Variants in SGMS2 observed in about 807,000 individuals in gnomAD.
SGMS2 encodes phosphatidylcholine:ceramide cholinephosphotransferase 2.
A neutral mutation model predicts 43.8 loss-of-function variants in SGMS2; 21 were observed. That is an observed-to-expected ratio of 0.48 (90% CI 0.34 to 0.69). The LOEUF is 0.69. Among genes scored for constraint, SGMS2 ranks in the 30% least tolerant of loss-of-function variants. The pLI, the probability that SGMS2 is intolerant of heterozygous loss-of-function variation, is 0.01. For synonymous variants in SGMS2, 167 were observed against 160.6 expected, an observed-to-expected ratio of 1.04 and a Z score of -0.30; for missense variants, 384 against 443.2, an observed-to-expected ratio of 0.87 and a Z score of 1.20.
chr4:107,882,473 G>T (rs772491801), intron 2 of SGMS2, among the ~76,000 whole-genome samples: 1 of 151,966 alleles, frequency 6.6e-6, no homozygotes, highest in Non-Finnish European at 1.5e-5. Context: ...TTTTCCTGTT[G>T]TTTGAGCTCC....
At chr4:107,841,379 T>C (rs184887802) in intron 1 of SGMS2, among the ~76,000 whole-genome samples, 1 of 152,162 alleles carries the variant, frequency 6.6e-6, no homozygotes, top group Non-Finnish European at 1.5e-5. Flanking sequence ...TTCTAGCCAC[T>C]CTTTTTCCCC....
rs182698715 is a variant in SGMS2, at chr4:107,899,825, A to G, written c.573+133A>G. On this transcript the variant is annotated intron_variant, in intron 4 of 6. Transcript: ENST00000690982. ...CTAGCATCTTTTCTATTTTCTATTTAGATTTGAGGGGAAGAAATTAAAATG... is the reference window on the plus strand; with the variant it reads ...CTAGCATCTTTTCTATTTTCTATTTGGATTTGAGGGGAAGAAATTAAAATG... 9.2e-4 allele frequency: 476 copies of G among 518,530 alleles called. 1 individual carries two copies. Among genetic ancestry groups the G allele is most frequent in the Admixed American group, 1.2e-3 (38 of 31,562 alleles). The allele number at this position is 518,530 out of a possible 1,614,324, so 32.1% of individuals were successfully genotyped here.
intron 2 of SGMS2, among the ~76,000 whole-genome samples, chr4:107,865,256 A>G (rs980201967): frequency 2.6e-5 from 4 of 152,230 alleles, no homozygotes; most frequent in African/African-American, 9.6e-5. Flanking sequence ...TTAAAACTGG[A>G]ATAGTCTGCA....
At chr4:107,878,613 T>C (rs925208263) in intron 2 of SGMS2, among the ~76,000 whole-genome samples, 3 of 152,190 alleles carry the variant, frequency 2.0e-5, no homozygotes, top group Non-Finnish European at 4.4e-5. Context: ...CCTTTATTTT[T>C]TCATTTGTCC....
chr4:107,908,762 C>A (rs1251358510), intron 6 of SGMS2, 31 bp downstream of exon 6: 1 of 1,594,922 alleles, frequency 6.3e-7, no homozygotes, highest in Non-Finnish European at 8.6e-7. Context: ...TGGATAATTT[C>A]TTTTCTTTGA....
chr4:107,841,758 C>T (rs1216713383), intron 1 of SGMS2, among the ~76,000 whole-genome samples: 1 of 151,930 alleles, frequency 6.6e-6, no homozygotes, highest in Non-Finnish European at 1.5e-5. Context: ...AAATGATCCT[C>T]CCACCTCAGC....
At chr4:107,837,621 A>T (rs1578504465) in intron 1 of SGMS2, among the ~76,000 whole-genome samples, 2 of 152,308 alleles carry the variant, frequency 1.3e-5, no homozygotes, top group African/African-American at 4.8e-5. Flanking sequence ...GTGATGTGAC[A>T]TAAGGAGAAT....
At chr4:107,860,714 G>C (rs952672085) in intron 2 of SGMS2, among the ~76,000 whole-genome samples, 1 of 151,958 alleles carries the variant, frequency 6.6e-6, no homozygotes, top group African/African-American at 2.4e-5. Context: ...TAGTAGAGAT[G>C]GGGTTTCGCC....
chr4:107,862,550 A>C (rs2126035154), intron 2 of SGMS2, among the ~76,000 whole-genome samples: 1 of 152,262 alleles, frequency 6.6e-6, no homozygotes, highest in East Asian at 1.9e-4. Flanking sequence ...GTTTTTTTTC[A>C]AAACTCTGTA....
At chr4:107,904,269 C>G (rs1294088211) in intron 5 of SGMS2, among the ~76,000 whole-genome samples, 5 of 152,076 alleles carry the variant, frequency 3.3e-5, no homozygotes, top group Non-Finnish European at 7.4e-5. Flanking sequence ...GGAGGTTTAT[C>G]TTAATCCTTT....
At chr4:107,889,421 T>C (rs1372284950) in intron 2 of SGMS2, among the ~76,000 whole-genome samples, 1 of 152,200 alleles carries the variant, frequency 6.6e-6, no homozygotes, top group Non-Finnish European at 1.5e-5. Context: ...ACTTTACCAA[T>C]AATTTTAAAG....
intron 2 of SGMS2, among the ~76,000 whole-genome samples, chr4:107,877,703 G>C (rs1042222151): frequency 2.0e-5 from 3 of 152,068 alleles, no homozygotes; most frequent in Admixed American, 2.0e-4. Flanking sequence ...TGATAGTTTA[G>C]GTTATTGAAA....
intron 1 of SGMS2, among the ~76,000 whole-genome samples, chr4:107,836,041 C>A (rs887042197): frequency 6.6e-6 from 1 of 152,134 alleles, no homozygotes; most frequent in African/African-American, 2.4e-5. Flanking sequence ...TTTTATTTAG[C>A]CTAGTATACC....
At chr4:107,895,266 T>G (rs1730572815) in intron 2 of SGMS2, 44 bp from the exon 3 acceptor site, 1 of 349,900 alleles carries the variant, frequency 2.9e-6, no homozygotes, top group South Asian at 7.1e-5. Context: ...TGGTTGACAG[T>G]TGGACAAGCA....
At chr4:107,831,980 T>G (rs1358407550) in intron 1 of SGMS2, among the ~76,000 whole-genome samples, 2 of 152,184 alleles carry the variant, frequency 1.3e-5, no homozygotes, top group African/African-American at 2.4e-5. Context: ...TGAACACCAC[T>G]GTCCCAGAAA....
intron 5 of SGMS2, among the ~76,000 whole-genome samples, chr4:107,906,809 G>C (rs1337584712): frequency 1.3e-5 from 2 of 152,110 alleles, no homozygotes. Flanking sequence ...GCCACCTCTG[G>C]ACCTACTTCA....
At position 107,903,277 on chromosome 4, in the gene SGMS2, G is replaced by C. The variant is rs955533744; in HGVS notation, c.618G>C (p.Leu206Phe). Residue 206 changes from leucine (L) to phenylalanine (F), a missense_variant, in exon 5 of 7, where the codon TTG (leucine) becomes TTC (phenylalanine). Leu to Phe is a conservative substitution (Grantham distance 22). Coordinates refer to ENST00000690982, the MANE Select transcript of SGMS2 (RefSeq NM_001375905.1). The stretch of plus-strand genomic sequence containing the variant: ...CAAAAGTTCAACGGATTCTACGATT[G>C]ATTTCTGGTGGTGGATTGTCCATAA... The part of the protein sequence containing the change: ...SQAKVQRILR[L>F]ISGGGLSITG... 9 of 1,613,938 alleles carry C rather than the reference G, an allele frequency of 5.6e-6. No homozygotes were observed. Among genetic ancestry groups the C allele is most frequent in the African/African-American group, 1.3e-5 (1 of 74,902 alleles).
At position 107,895,492 on chromosome 4, in the gene SGMS2, C is replaced by G. The variant is rs1011640476; in HGVS notation, c.-62C>G. On this transcript the variant is annotated 5_prime_UTR_variant, in exon 3 of 7. Coordinates refer to ENST00000690982, the MANE Select transcript of SGMS2 (RefSeq NM_001375905.1). ...TTGGAAATAGAAGGATTGAAAAAAG[C>G]TAAATTTCCACAAAGAACAAGAACT... 4 of 1,507,966 alleles carry G rather than the reference C, an allele frequency of 2.7e-6. No homozygotes were observed. The highest frequency in any genetic ancestry group is 3.6e-6 in the Non-Finnish European group (4 of 1,120,860). The allele number at this position is 1,507,966 out of a possible 1,614,324, so 93.4% of individuals were successfully genotyped here.
chr4:107,860,235 CTTAA>C (rs377474537), intron 2 of SGMS2, among the ~76,000 whole-genome samples: 53 of 152,002 alleles, frequency 3.5e-4, no homozygotes, highest in African/African-American at 1.1e-3. Context: ...TGTAGGAGGA[CTTAA>C]TAAGCTAGTA....
Sources: gnomAD v4.1 joint callset for allele counts (sites outside exome capture counted in the v4.1 genomes callset) on GRCh38, gnomAD v4.1.1 for gene constraint, MANE v1.5 for transcripts, NCBI Gene and HGNC (gene_info 2026-07-23, HGNC 2026-07-21) for gene names.